SBF2: variants seen among roughly 807,000 people sequenced by gnomAD.
The protein encoded by SBF2 is myotubularin-related protein 13.
SBF2 carries 112 observed loss-of-function variants against 225.2 expected under a neutral mutation model. The ratio of observed to expected loss-of-function variants is 0.50; its 90% confidence interval spans 0.43 to 0.58. SBF2 has a LOEUF of 0.58. SBF2 is among the 20% of genes least tolerant of loss of function. SBF2 has a pLI of 0.00. For synonymous variants in SBF2, 763 were observed against 773.3 expected, an observed-to-expected ratio of 0.99 and a Z score of 0.22; for missense variants, 1,996 against 2,206.2, an observed-to-expected ratio of 0.90 and a Z score of 1.91.
At chr11:10,168,231 A>C (rs1390934957) in intron 2 of SBF2, among the ~76,000 whole-genome samples, 3 of 152,218 alleles carry the variant, frequency 2.0e-5, no homozygotes, top group African/African-American at 7.2e-5. Flanking sequence ...CCTGGCACAT[A>C]ATAAGTACCA....
chr11:9,932,957 CAAAAAAAA>C (rs574177096), intron 16 of SBF2, among the ~76,000 whole-genome samples: 2 of 58,742 alleles, frequency 3.4e-5, no homozygotes, highest in Non-Finnish European at 5.5e-5. Context: ...AAACGAAAAG[CAAAAAAAA>C]AAAAAAAAAA....
intron 28 of SBF2, 132 bp downstream of exon 28, chr11:9,829,224 T>A: frequency 9.8e-7 from 1 of 1,021,500 alleles, no homozygotes; most frequent in Non-Finnish European, 1.5e-6. Flanking sequence ...CTTATAACCC[T>A]TCAGGGTAAA....
intron 2 of SBF2, among the ~76,000 whole-genome samples, chr11:10,158,199 G>C (rs553677317): frequency 6.6e-6 from 1 of 152,054 alleles, no homozygotes; most frequent in African/African-American, 2.4e-5. Flanking sequence ...GTTCTAAGAG[G>C]AAAGTTTATA....
chr11:9,853,630 C>G lies in SBF2; in HGVS notation c.2446G>C (p.Val816Leu). ...SENTDIANSV[V>L]RFITRFIDKV... is the part of the protein sequence containing the mutation. The stretch of plus-strand genomic sequence containing the variant: ...TCAATAAATCGGGTAATGAACCGCA[C>G]AACAGAATTGGCAATGTCAGTATTC... The change falls in exon 20 of 40, where the codon GTG (valine) becomes CTG (leucine). Residue 816 changes from valine (V) to leucine (L), a missense_variant. Coordinates refer to ENST00000256190, the MANE Select transcript of SBF2 (RefSeq NM_030962.4). The G allele has an allele frequency of 6.2e-7, 1 of 1,613,956 alleles. No homozygotes were observed.
In SBF2 at chr11:9,961,978, C is replaced by G. The variant is rs776414901; in HGVS notation, c.1839G>C (p.Arg613Ser). 6.2e-7 allele frequency: 1 copy of G among 1,613,752 alleles called. No homozygotes were observed. The highest frequency in any genetic ancestry group is 8.5e-7 in the Non-Finnish European group (1 of 1,179,770). ...TTACCTGTAGAGTACAATTCATCAT[C>G]CTTATTATGTAGTCAAACTGTTGAT... ...LDHQQFDYII[R>S]MMNCTLQDCS... The change falls in exon 16 of 40, where the codon AGG becomes AGC. Residue 613 changes from arginine (R) to serine (S), a missense_variant. Arg to Ser is a moderately radical substitution (Grantham distance 110, BLOSUM62 -1). Coordinates refer to ENST00000256190, the MANE Select transcript of SBF2 (RefSeq NM_030962.4).
chr11:9,815,144 AAAT>A (rs934568882), intron 29 of SBF2, among the ~76,000 whole-genome samples: 13 of 152,130 alleles, frequency 8.5e-5, no homozygotes, highest in Non-Finnish European at 1.5e-5. Flanking sequence ...ACATTTTTAA[AAAT>A]AATAATACTT....
At chr11:10,080,248 CAAAAAAA>C (rs34181436) in intron 2 of SBF2, among the ~76,000 whole-genome samples, 1 of 82,226 alleles carries the variant, frequency 1.2e-5, no homozygotes, top group East Asian at 3.4e-4. Context: ...AACTCTGTCT[CAAAAAAA>C]AAAAAAAAAA....
intron 2 of SBF2, among the ~76,000 whole-genome samples, chr11:10,101,626 T>C (rs1211562262): frequency 6.6e-6 from 1 of 150,966 alleles, no homozygotes; most frequent in African/African-American, 2.4e-5. Context: ...TTCTTACCAG[T>C]CAAAAGTTTC....
At chr11:10,187,472 C>G (rs1013257960) in intron 2 of SBF2, among the ~76,000 whole-genome samples, 2 of 152,184 alleles carry the variant, frequency 1.3e-5, no homozygotes, top group African/African-American at 4.8e-5. Flanking sequence ...AGGGGGACCC[C>G]TGCCTTCGCT....
intron 35 of SBF2, among the ~76,000 whole-genome samples, 195 bp downstream of exon 35, chr11:9,788,914 C>T (rs1429658110): frequency 1.3e-5 from 2 of 152,082 alleles, no homozygotes; most frequent in African/African-American, 4.8e-5. Context: ...TGGAAAATCA[C>T]TTTTATTGAG....
chr11:10,250,290 T>C (rs960053486), intron 1 of SBF2, among the ~76,000 whole-genome samples: 3 of 152,226 alleles, frequency 2.0e-5, no homozygotes, highest in East Asian at 1.9e-4. Context: ...CCATTAGTTA[T>C]CTGCGCTATG....
At chr11:9,853,516 C>G in intron 20 of SBF2, 24 bp downstream of exon 20, 1 of 1,605,998 alleles carries the variant, frequency 6.2e-7, no homozygotes, top group Middle Eastern at 1.7e-4. Context: ...TATTCTGATT[C>G]TCTAATATCT....
At chr11:9,837,419 AT>A (rs1855798055) in intron 26 of SBF2, among the ~76,000 whole-genome samples, 1 of 152,236 alleles carries the variant, frequency 6.6e-6, no homozygotes, top group African/African-American at 2.4e-5. Flanking sequence ...TGTACTTTGC[AT>A]TTGCAAAATG....
upstream of SBF2, among the ~76,000 whole-genome samples, chr11:10,294,391 C>G (rs1591382040): frequency 6.6e-6 from 1 of 152,324 alleles, no homozygotes; most frequent in Admixed American, 6.5e-5. Context: ...ACCGCGGCCC[C>G]TGGAGGTGGT....
intron 2 of SBF2, among the ~76,000 whole-genome samples, chr11:10,119,476 A>C (rs1246556223): frequency 6.6e-6 from 1 of 152,200 alleles, no homozygotes; most frequent in Non-Finnish European, 1.5e-5. Context: ...ATGTTCATTT[A>C]ACTGTTCTTA....
chr11:9,826,877 C>T (rs1011990111), intron 28 of SBF2, among the ~76,000 whole-genome samples: 2 of 151,882 alleles, frequency 1.3e-5, no homozygotes, highest in African/African-American at 4.8e-5. Flanking sequence ...AGCAATGGTG[C>T]GATCTTGGCT....
intron 2 of SBF2, among the ~76,000 whole-genome samples, chr11:10,077,153 G>A (rs1475052215): frequency 6.6e-6 from 1 of 152,026 alleles, no homozygotes; most frequent in Admixed American, 6.6e-5. Context: ...AAATAAAAGA[G>A]GACACAAACA....
intron 1 of SBF2, among the ~76,000 whole-genome samples, chr11:10,197,693 C>A (rs1301384672): frequency 6.6e-6 from 1 of 152,178 alleles, no homozygotes; most frequent in Non-Finnish European, 1.5e-5. Flanking sequence ...TTATTTTACC[C>A]ACAGCACAAC....
intron 1 of SBF2, among the ~76,000 whole-genome samples, chr11:10,230,366 G>A (rs1565379956): frequency 6.6e-6 from 1 of 152,152 alleles, no homozygotes; most frequent in Non-Finnish European, 1.5e-5. Context: ...ATGCTGGCTG[G>A]TTATTTTGCT....
Sources: gnomAD v4.1 joint callset for allele counts (sites outside exome capture counted in the v4.1 genomes callset) on GRCh38, gnomAD v4.1.1 for gene constraint, MANE v1.5 for transcripts, NCBI Gene and HGNC (gene_info 2026-07-23, HGNC 2026-07-21) for gene names.